Variants in PCNT observed in about 807,000 individuals in gnomAD.
The protein encoded by PCNT is kendrin.
PCNT carries 319 observed loss-of-function variants against 380.4 expected under a neutral mutation model. The observed-to-expected ratio is 0.84, with a 90% CI of 0.77 to 0.92. The LOEUF is 0.92. Ranked by LOEUF, PCNT falls within the 40% of genes least tolerant of loss-of-function variation. PCNT has a pLI of 0.00. For synonymous variants in PCNT, 1,845 were observed against 1,735.2 expected (o/e 1.06, Z -1.57); for missense variants, 4,400 against 4,255.3 (o/e 1.03, Z -0.95).
intron 39 of PCNT, 145 bp from the exon 40 acceptor site, chr21:46,436,834 C>T (rs2053471568): frequency 1.4e-6 from 1 of 707,446 alleles, no homozygotes; most frequent in Admixed American, 2.1e-5. Flanking sequence ...GCCCCTGGCT[C>T]TGCCTCACGG....
rs756305010 is a variant in PCNT, at chr21:46,402,375, A to C, written c.5007A>C (p.Leu1669Phe). The change falls in exon 27 of 47, where the codon TTA becomes TTC. Residue 1669 changes from leucine to phenylalanine, a missense_variant. By Grantham distance (22) the Leu-to-Phe change is conservative. Coordinates refer to ENST00000359568, the MANE Select transcript of PCNT (RefSeq NM_006031.6). Reference sequence around the variant, plus strand: ...AGCTAGAAAAGATGAAAGGTGACTTAGAAAGTAAAAATGAAGAAATACTAC... The same window carrying C: ...AGCTAGAAAAGATGAAAGGTGACTTCGAAAGTAAAAATGAAGAAATACTAC... Reference protein sequence around the residue: ...KEQLEKMKGDLESKNEEILHL... With the variant: ...KEQLEKMKGDFESKNEEILHL... 1 of 1,612,126 alleles carries C rather than the reference A, an allele frequency of 6.2e-7. No individual in the cohort carries two copies. The highest frequency in any genetic ancestry group is 2.2e-5 in the East Asian group (1 of 44,888).
chr21:46,370,430 C>T (rs2085078116), intron 15 of PCNT, among the ~76,000 whole-genome samples: 1 of 150,472 alleles, frequency 6.6e-6, no homozygotes, highest in Non-Finnish European at 1.5e-5. Flanking sequence ...TCCTGGGTGT[C>T]GCGCTAGGCA....
At chr21:46,362,176 T>G (rs186155505) in intron 13 of PCNT, among the ~76,000 whole-genome samples, 24 of 152,138 alleles carry the variant, frequency 1.6e-4, no homozygotes, top group Non-Finnish European at 3.1e-4. Flanking sequence ...GCTTTTGGAG[T>G]CTGCCCCTCG....
At chr21:46,386,262 G>A (rs1375588916) in intron 17 of PCNT, among the ~76,000 whole-genome samples, 2 of 152,136 alleles carry the variant, frequency 1.3e-5, no homozygotes, top group East Asian at 1.9e-4. Context: ...AAAACCAGCC[G>A]TTATCTCCCA....
At chr21:46,418,138 C>T (rs982690277) in intron 30 of PCNT, 66 bp from the exon 31 acceptor site, 2 of 1,022,802 alleles carry the variant, frequency 2.0e-6, no homozygotes, top group South Asian at 2.6e-5. Context: ...AAGTTTTCAC[C>T]TGGCAAAGTC....
Position 46,416,694 on chromosome 21 carries a change from C to A in PCNT, c.6776C>A (p.Ser2259Tyr). ...CTGAGCCTGTGCAGTGCCGACACATCCCTGGGGGACAGGGCGGACACCTCG... is the reference window on the plus strand; with the variant it reads ...CTGAGCCTGTGCAGTGCCGACACATACCTGGGGGACAGGGCGGACACCTCG... ...GALSLCSADT[S>Y]LGDRADTSLP... Residue 2259 changes from serine to tyrosine, a missense_variant, in exon 30 of 47, where the codon TCC becomes TAC. By Grantham distance (144) the Ser-to-Tyr change is moderately radical. Transcript: ENST00000359568. 6.4e-7 allele frequency: 1 copy of A among 1,567,280 alleles called. No homozygotes were observed. The highest frequency in any genetic ancestry group is 8.6e-7 in the Non-Finnish European group (1 of 1,156,286).
intron 2 of PCNT, among the ~76,000 whole-genome samples, chr21:46,334,021 A>G (rs561068159): frequency 1.4e-4 from 21 of 152,196 alleles, no homozygotes; most frequent in Middle Eastern, 3.4e-3. Context: ...CTTGGCTAAC[A>G]TGGTGAAACC....
Position 46,403,644 on chromosome 21 carries a change from C to T in PCNT, c.5115+1161C>T, listed in dbSNP as rs564694273. The stretch of plus-strand genomic sequence containing the variant: ...GTGTGTGGTGCCCACGTGGCACATG[C>T]TCGGTGAATGAACACAGCGTGGGAG... On this transcript the variant is annotated intron_variant, in intron 27 of 46. Coordinates refer to ENST00000359568, the MANE Select transcript of PCNT (RefSeq NM_006031.6). 1.3e-4 allele frequency among the ~76,000 whole-genome samples: 18 copies of T among 133,542 alleles called. 1 individual carries two copies. The highest frequency in any genetic ancestry group is 4.9e-4 in the African/African-American group (17 of 34,546). 87.6% of individuals were successfully genotyped at this position (133,542 alleles called of 152,430 possible).
intron 35 of PCNT, among the ~76,000 whole-genome samples, chr21:46,429,074 A>T (rs952353253): frequency 6.6e-6 from 1 of 152,074 alleles, no homozygotes; most frequent in Admixed American, 6.5e-5. Flanking sequence ...GTACCATCGC[A>T]TGTGGGGTCA....
At chr21:46,351,242 C>T (rs1021370711) in intron 8 of PCNT, among the ~76,000 whole-genome samples, 187 bp from the exon 9 acceptor site, 2 of 152,156 alleles carry the variant, frequency 1.3e-5, no homozygotes, top group African/African-American at 4.8e-5. Flanking sequence ...CAGCGCTGAC[C>T]GATCCCTCTT....
chr21:46,363,431 T>A, intron 13 of PCNT, 49 bp from the exon 14 acceptor site: 1 of 1,475,236 alleles, frequency 6.8e-7, no homozygotes. Flanking sequence ...CTTCTAATAA[T>A]CTCTTCCATT....
rs565510931 is a variant in PCNT at position 46,379,271 on chromosome 21, G to A, written c.3166-2423G>A. ...AGCTGCGCCCGTCTTCCTGGGCTGC[G>A]TGTCGTGAGCCGCGCCCGTCTTCCC... On this transcript the variant is annotated intron_variant, in intron 15 of 46. Transcript: ENST00000359568. Among the ~76,000 whole-genome samples the A allele has an allele frequency of 2.6e-4, 39 of 151,754 alleles. No homozygotes were observed. The South Asian group carries it at 3.5e-3, about 14-fold the overall frequency.
chr21:46,381,088 A>G (rs981171223), intron 15 of PCNT, among the ~76,000 whole-genome samples: 1 of 151,644 alleles, frequency 6.6e-6, no homozygotes, highest in Non-Finnish European at 1.5e-5. Flanking sequence ...GAGGCAAGAG[A>G]ATCCCGTGAA....
At chr21:46,400,852 AAT>A (rs1053103812) in intron 25 of PCNT, among the ~76,000 whole-genome samples, 22 of 152,116 alleles carry the variant, frequency 1.4e-4, no homozygotes, top group Admixed American at 7.9e-4. Flanking sequence ...TGCTGATGAG[AAT>A]TATTAAACTG....
At chr21:46,325,997 T>C (rs2083383858) in intron 1 of PCNT, among the ~76,000 whole-genome samples, 1 of 152,204 alleles carries the variant, frequency 6.6e-6, no homozygotes, top group Non-Finnish European at 1.5e-5. Context: ...TGGGGGAAAA[T>C]TGGGGCAAGA....
intron 15 of PCNT, among the ~76,000 whole-genome samples, chr21:46,376,480 T>G (rs1324038592): frequency 6.6e-6 from 1 of 152,236 alleles, no homozygotes; most frequent in Admixed American, 6.5e-5. Context: ...GATCTGTGCC[T>G]GGCTGGGCCT....
chr21:46,348,606 C>T (rs2084158630), intron 6 of PCNT, among the ~76,000 whole-genome samples: 2 of 152,114 alleles, frequency 1.3e-5, no homozygotes, highest in Admixed American at 1.3e-4. Flanking sequence ...AGTTGGGGGC[C>T]ATGACTGCCC....
chr21:46,382,927 C>A (rs1409516949), intron 16 of PCNT, among the ~76,000 whole-genome samples: 2 of 133,236 alleles, frequency 1.5e-5, no homozygotes, highest in Non-Finnish European at 3.0e-5. Flanking sequence ...GGCGGAAGTG[C>A]ATTCACAGTG....
At chr21:46,403,954 G>A (rs2086539803) in intron 27 of PCNT, among the ~76,000 whole-genome samples, 1 of 142,918 alleles carries the variant, frequency 7.0e-6, no homozygotes, top group Non-Finnish European at 1.6e-5. Context: ...TGAACACAGC[G>A]TGGGAGAATT....
Sources: allele counts gnomAD v4.1 joint callset (sites outside exome capture counted in the v4.1 genomes callset), GRCh38; gene constraint gnomAD v4.1.1; transcripts MANE v1.5; gene names NCBI Gene and HGNC (gene_info 2026-07-23, HGNC 2026-07-21).